The following NADSYN1 variants were observed in gnomAD, a reference collection of about 807,000 sequenced individuals.
The protein encoded by NADSYN1 is NAD synthetase 1.
In NADSYN1, 80 loss-of-function variants were observed where a neutral mutation model predicts 99.3. The ratio of observed to expected loss-of-function variants is 0.81; its 90% confidence interval spans 0.67 to 0.97. The LOEUF is 0.97. Among genes scored for constraint, NADSYN1 ranks in the 50% least tolerant of loss-of-function variants. The pLI is 0.00. For missense variants in NADSYN1, 859 were observed against 948.5 expected (o/e 0.91, Z 1.24); for synonymous variants, 385 against 372.1 (o/e 1.03, Z -0.40).
At position 71,464,074 on chromosome 11, in the gene NADSYN1, C is replaced by A. The variant is rs528988111; in HGVS notation, c.339C>A (p.Pro113=). Residue 113 remains proline, a synonymous_variant, in exon 5 of 21, where the codon CCC becomes CCA. Transcript: ENST00000319023. The stretch of plus-strand genomic sequence containing the variant: ...GCAGGAAGATCCTGCTCATCAGACC[C>A]AAGATGGCCTTGGCCAATGAAGGCA... ...FLNRKILLIR[P]KMALANEGNY... is the part of the protein sequence containing the mutation. 208 of 1,612,386 alleles carry A rather than the reference C, an allele frequency of 1.3e-4. No homozygotes were observed. The South Asian group carries it at 2.3e-3, about 17-fold the overall frequency.
At chr11:71,465,849 C>T (rs1263368669) in intron 5 of NADSYN1, among the ~76,000 whole-genome samples, 1 of 152,042 alleles carries the variant, frequency 6.6e-6, no homozygotes, top group Non-Finnish European at 1.5e-5. Flanking sequence ...TTAAATTCTC[C>T]TATTGTGTCT....
At chr11:71,459,400 C>A (rs1949535288) in intron 3 of NADSYN1, among the ~76,000 whole-genome samples, 2 of 151,608 alleles carry the variant, frequency 1.3e-5, no homozygotes, top group Admixed American at 1.3e-4. Flanking sequence ...CTTAGCCACC[C>A]CTATGGAGGC....
chr11:71,464,176 C>T (rs1486790400), intron 5 of NADSYN1, 34 bp downstream of exon 5: 8 of 1,514,562 alleles, frequency 5.3e-6, no homozygotes, highest in Non-Finnish European at 7.2e-6. Context: ...CTGGGATGTG[C>T]GTTAAGCACC....
At chr11:71,456,328 T>A (rs1227827241) in intron 2 of NADSYN1, among the ~76,000 whole-genome samples, 2 of 152,270 alleles carry the variant, frequency 1.3e-5, no homozygotes, top group East Asian at 1.9e-4. Context: ...CTTCATTTGA[T>A]TGATTCTTTA....
intron 15 of NADSYN1, chr11:71,484,649 A>T: frequency 1.6e-5 from 11 of 697,228 alleles, no homozygotes; most frequent in Non-Finnish European, 2.5e-5. Context: ...GTTAACAAGG[A>T]GGGGGTCTGT....
chr11:71,477,278 G>T, intron 9 of NADSYN1: 7 of 1,250,740 alleles, frequency 5.6e-6, no homozygotes, highest in Non-Finnish European at 7.2e-6. Context: ...CTCATGGAAC[G>T]ATCCTCGCCT....
Position 71,491,625 on chromosome 11 carries a change from G to A in NADSYN1, c.1695-209G>A, listed in dbSNP as rs150071952. ...CATCTCTGCCTCTCCTCCTGGGGTC[G>A]TGAGGCCACACCAGTGCCCACACTC... On this transcript the variant is annotated intron_variant, in intron 17 of 20. Coordinates refer to ENST00000319023, the MANE Select transcript of NADSYN1 (RefSeq NM_018161.5). Among the ~76,000 whole-genome samples, 10 of 152,258 alleles carry A rather than the reference G, an allele frequency of 6.6e-5. No individual in the cohort carries two copies. In the East Asian group the frequency reaches 1.9e-3, roughly 29 times the overall value.
rs772918843 is a variant in NADSYN1 at position 71,464,127 on chromosome 11, C to T, written c.392C>T (p.Pro131Leu). The T allele has an allele frequency of 1.1e-5, 17 of 1,610,050 alleles. 1 individual carries two copies. The highest frequency in any genetic ancestry group is 8.9e-5 in the East Asian group (4 of 44,778). The change falls in exon 5 of 21, where the codon CCG becomes CTG. Residue 131 changes from proline (P) to leucine (L), a missense_variant. Coordinates refer to ENST00000319023, the MANE Select transcript of NADSYN1 (RefSeq NM_018161.5). ...GNYRELRWFT[P>L]WSRSRHTEEY... ...TACCGCGAGCTGCGCTGGTTCACCCCGTGGTCGAGGAGTCGGTGAGTCGGG... is the reference window on the plus strand; with the variant it reads ...TACCGCGAGCTGCGCTGGTTCACCCTGTGGTCGAGGAGTCGGTGAGTCGGG...
chr11:71,476,366 C>G (rs115053990), intron 9 of NADSYN1: 1 of 351,028 alleles, frequency 2.8e-6, no homozygotes, highest in African/African-American at 2.1e-5. Context: ...GCCGACTCTG[C>G]GAGGCTGTCT....
chr11:71,461,402 C>T (rs991150109), intron 3 of NADSYN1, among the ~76,000 whole-genome samples: 2 of 152,176 alleles, frequency 1.3e-5, no homozygotes, highest in South Asian at 2.1e-4. Context: ...GAGAGAGGGG[C>T]GAGGTGCTAC....
chr11:71,498,611 A>G lies in NADSYN1; in HGVS notation c.2070+83A>G, dbSNP rs1176448129. On this transcript the variant is annotated intron_variant, in intron 20 of 20. Coordinates refer to ENST00000319023, the MANE Select transcript of NADSYN1 (RefSeq NM_018161.5). ...GGTTATTTCCATGAAGGATTGAAAA[A>G]CTTTCTTATATACACAGTAACTTTT... 2.0e-6 allele frequency: 3 copies of G among 1,484,192 alleles called. No homozygotes were observed. In the Admixed American group the frequency reaches 5.7e-5, roughly 28 times the overall value. 91.9% of individuals were successfully genotyped at this position (1,484,192 alleles called of 1,614,324 possible).
At chr11:71,483,084 G>A (rs1021691089) in intron 14 of NADSYN1, 67 bp downstream of exon 14, 32 of 1,569,622 alleles carry the variant, frequency 2.0e-5, no homozygotes, top group East Asian at 9.0e-5. Flanking sequence ...TGGAAGCTCC[G>A]CCTGTGAGTG....
In NADSYN1 at chr11:71,473,933, C is replaced by T. The variant is rs576659578; in HGVS notation, c.666+247C>T. Among the ~76,000 whole-genome samples, 4 of 152,352 alleles carry T rather than the reference C, an allele frequency of 2.6e-5. No individual in the cohort carries two copies. The East Asian group carries it at 5.8e-4, about 22-fold the overall frequency. The stretch of plus-strand genomic sequence containing the variant: ...TCTCTGCCATGACCAGGAACCGGAA[C>T]GTGCTCCTTGTTCGTTGGCATCATG... On this transcript the variant is annotated intron_variant, in intron 8 of 20. Coordinates refer to ENST00000319023, the MANE Select transcript of NADSYN1 (RefSeq NM_018161.5).
At chr11:71,497,895 T>C (rs991607183) in intron 19 of NADSYN1, among the ~76,000 whole-genome samples, 5 of 152,242 alleles carry the variant, frequency 3.3e-5, no homozygotes, top group Non-Finnish European at 7.3e-5. Flanking sequence ...ATAGTATTGC[T>C]TTTCTGCCTG....
chr11:71,466,589 ACTCT>A (rs1949591869), intron 5 of NADSYN1: 1 of 150,624 alleles, frequency 6.6e-6, no homozygotes, highest in African/African-American at 2.4e-5. Context: ...CTGTAATTTC[ACTCT>A]CTCTGCCAGC....
intron 17 of NADSYN1, 48 bp from the exon 18 acceptor site, chr11:71,491,786 A>G (rs1268446638): frequency 6.3e-7 from 1 of 1,574,924 alleles, no homozygotes; most frequent in East Asian, 2.2e-5. Context: ...CAGAGCTCAC[A>G]CCACCCTCGC....
chr11:71,476,636 T>TTCA, intron 9 of NADSYN1: 3 of 986,012 alleles, frequency 3.0e-6, no homozygotes, highest in Non-Finnish European at 3.6e-6. Context: ...CTCCTTGCGC[T>TTCA]TCATCATTAA....
chr11:71,458,605 AC>A, intron 3 of NADSYN1, 61 bp downstream of exon 3: 1 of 1,144,594 alleles, frequency 8.7e-7, no homozygotes, highest in Non-Finnish European at 1.3e-6. Context: ...CAAGGGCATG[AC>A]CCACCCAACC....
Position 71,473,327 on chromosome 11 carries a change from T to C in NADSYN1, c.509T>C (p.Ile170Thr). Residue 170 changes from isoleucine to threonine, a missense_variant, in exon 7 of 21, where the codon ATT becomes ACT. Transcript: ENST00000319023. ...GTGCTGGTGACATGGGACACCTGCATTGGAAGTGAGATCTGTGAGGAGCTC... is the reference window on the plus strand; with the variant it reads ...GTGCTGGTGACATGGGACACCTGCACTGGAAGTGAGATCTGTGAGGAGCTC... ...DAVLVTWDTC[I>T]GSEICEELWT... The C allele has an allele frequency of 1.9e-6, 3 of 1,614,152 alleles. No individual in the cohort carries two copies. Among genetic ancestry groups the C allele is most frequent in the Non-Finnish European group, 2.5e-6 (3 of 1,180,030 alleles).
Sources: allele counts gnomAD v4.1 joint callset (sites outside exome capture counted in the v4.1 genomes callset), GRCh38; gene constraint gnomAD v4.1.1; transcripts MANE v1.5; gene names NCBI Gene and HGNC (gene_info 2026-07-23, HGNC 2026-07-21).